The following KSR2 variants were observed in gnomAD, a reference collection of about 807,000 sequenced individuals.
KSR2 encodes the protein kinase suppressor of ras 2.
Under a neutral mutation model 107.8 loss-of-function variants are expected in KSR2, and 25 were observed. That is an observed-to-expected ratio of 0.23 (90% CI 0.17 to 0.32). KSR2 has a LOEUF of 0.32. Among genes scored for constraint, KSR2 ranks in the 10% least tolerant of loss-of-function variants. The pLI, the probability that KSR2 is intolerant of heterozygous loss-of-function variation, is 1.00. For synonymous variants in KSR2, 480 were observed against 507.0 expected (o/e 0.95, Z 0.71); for missense variants, 887 against 1,268.9 (o/e 0.70, Z 4.57).
chr12:117,560,145 A>T (rs1218701228), intron 7 of KSR2, among the ~76,000 whole-genome samples: 2 of 152,120 alleles, frequency 1.3e-5, no homozygotes, highest in Non-Finnish European at 2.9e-5. Context: ...CAGCAGCATA[A>T]GCACCACCTG....
chr12:117,853,447 A>G (rs905740147), intron 3 of KSR2, among the ~76,000 whole-genome samples: 13 of 152,058 alleles, frequency 8.5e-5, no homozygotes, highest in Non-Finnish European at 1.6e-4. Context: ...GACTCAAGCA[A>G]TCCTCCCACT....
intron 5 of KSR2, among the ~76,000 whole-genome samples, chr12:117,612,763 T>C (rs1183514149): frequency 3.9e-5 from 6 of 152,158 alleles, no homozygotes; most frequent in Non-Finnish European, 7.4e-5. Context: ...TCACCTCAAA[T>C]TGTAATCCAG....
chr12:117,849,932 T>C (rs1238286574), intron 3 of KSR2, among the ~76,000 whole-genome samples: 1 of 152,218 alleles, frequency 6.6e-6, no homozygotes, highest in Non-Finnish European at 1.5e-5. Context: ...AAACACCAGC[T>C]CTGGGTTGAG....
chr12:117,641,769 C>T (rs939632885), intron 5 of KSR2, among the ~76,000 whole-genome samples: 4 of 152,032 alleles, frequency 2.6e-5, no homozygotes, highest in African/African-American at 9.7e-5. Flanking sequence ...CAGAAGTTGC[C>T]CTTGAAGAGA....
At chr12:117,526,877 T>C (rs1027469516) in intron 13 of KSR2, among the ~76,000 whole-genome samples, 194 bp downstream of exon 13, 1 of 152,186 alleles carries the variant, frequency 6.6e-6, no homozygotes, top group Non-Finnish European at 1.5e-5. Context: ...GCATGCCATA[T>C]AATGGCCCAT....
intron 5 of KSR2, among the ~76,000 whole-genome samples, chr12:117,659,450 G>A (rs1303934923): frequency 6.6e-6 from 1 of 152,164 alleles, no homozygotes; most frequent in Admixed American, 6.5e-5. Context: ...ACGTCCGCAT[G>A]CTTCAGCAGC....
At chr12:117,679,249 T>TCCATGTGCATCA (rs1885268129) in intron 4 of KSR2, among the ~76,000 whole-genome samples, 1 of 152,220 alleles carries the variant, frequency 6.6e-6, no homozygotes, top group African/African-American at 2.4e-5. Context: ...ATCAGCACCA[T>TCCATGTGCATCA]GCACGGAGCG....
chr12:117,885,040 T>C (rs1894132007), intron 1 of KSR2, among the ~76,000 whole-genome samples: 1 of 152,076 alleles, frequency 6.6e-6, no homozygotes, highest in African/African-American at 2.4e-5. Context: ...CCGAATATCC[T>C]TGGATATGTT....
At chr12:117,716,348 G>A (rs1168629596) in intron 4 of KSR2, among the ~76,000 whole-genome samples, 1 of 152,160 alleles carries the variant, frequency 6.6e-6, no homozygotes, top group African/African-American at 2.4e-5. Context: ...CCTAGACTAT[G>A]CCACCCAATA....
chr12:117,476,243 TTGTTAAGGC>T (rs1432741019), intron 17 of KSR2, among the ~76,000 whole-genome samples: 14 of 152,378 alleles, frequency 9.2e-5, no homozygotes, highest in Non-Finnish European at 1.9e-4. Context: ...GTTGGGTAAC[TTGTTAAGGC>T]CACATAATCC....
chr12:117,791,020 A>C (rs1890231461), intron 3 of KSR2, among the ~76,000 whole-genome samples: 1 of 152,032 alleles, frequency 6.6e-6, no homozygotes, highest in South Asian at 2.1e-4. Context: ...ATCAACCTTA[A>C]TGGCTCCCTA....
Position 117,968,499 on chromosome 12 carries a change from T to C in KSR2, c.-244A>G. The C allele has an allele frequency of 2.4e-6, 3 of 1,267,440 alleles. No homozygotes were observed. The highest frequency in any genetic ancestry group is 3.0e-6 in the Non-Finnish European group (3 of 1,012,060). 78.5% of individuals were successfully genotyped at this position (1,267,440 alleles called of 1,614,324 possible). On this transcript the variant is annotated 5_prime_UTR_variant, in exon 1 of 20. Transcript: ENST00000339824. ...ACTCCATTAGAATGTCTCCTCTCTC[T>C]CTGAGTCTCTGGTCCCTGAAAAGGA...
chr12:117,740,480 CATATA>C (rs1487395492), intron 4 of KSR2, among the ~76,000 whole-genome samples: 2 of 114,534 alleles, frequency 1.7e-5, no homozygotes, highest in African/African-American at 3.1e-5. Flanking sequence ...TAATATATAA[CATATA>C]ATATATATGT....
At chr12:117,762,744 G>A (rs909401174) in intron 3 of KSR2, among the ~76,000 whole-genome samples, 7 of 151,910 alleles carry the variant, frequency 4.6e-5, no homozygotes, top group Non-Finnish European at 7.4e-5. Flanking sequence ...GCGTGTGCCT[G>A]TAATCCCAGC....
At chr12:117,772,144 C>A (rs1320505694) in intron 3 of KSR2, among the ~76,000 whole-genome samples, 5 of 148,482 alleles carry the variant, frequency 3.4e-5, no homozygotes, top group African/African-American at 5.0e-5. Context: ...CATACATACA[C>A]ACCATTCCCC....
rs1870622345 is a variant in KSR2 at position 117,456,396 on chromosome 12, A to G, written c.*10803T>C. On this transcript the variant is annotated 3_prime_UTR_variant, in exon 20 of 20. Coordinates refer to ENST00000339824, the MANE Select transcript of KSR2 (RefSeq NM_173598.6). ...CTGTAGCTACATAGCAGTTACTTGAACTTACACAAGTTCATATGTACCCAT... is the reference window on the plus strand; with the variant it reads ...CTGTAGCTACATAGCAGTTACTTGAGCTTACACAAGTTCATATGTACCCAT... 6.6e-6 allele frequency: 1 copy of G among 152,228 alleles called. No individual in the cohort carries two copies. The highest frequency in any genetic ancestry group is 2.1e-4 in the South Asian group (1 of 4,832). The allele number at this position is 152,228 out of a possible 1,614,324, so 9.4% of individuals were successfully genotyped here.
chr12:117,620,047 TC>T (rs1292356698), intron 5 of KSR2, among the ~76,000 whole-genome samples: 2 of 152,120 alleles, frequency 1.3e-5, no homozygotes, highest in Non-Finnish European at 2.9e-5. Flanking sequence ...CAGTGTGTGG[TC>T]TTTTACATCT....
At chr12:117,519,767 C>T (rs1474062748) in intron 14 of KSR2, among the ~76,000 whole-genome samples, 2 of 150,130 alleles carry the variant, frequency 1.3e-5, no homozygotes, top group South Asian at 2.1e-4. Flanking sequence ...AGAAGAGGAG[C>T]GAGTGTGTGT....
intron 3 of KSR2, among the ~76,000 whole-genome samples, chr12:117,815,096 T>C (rs914515564): frequency 5.9e-5 from 9 of 152,216 alleles, no homozygotes; most frequent in Non-Finnish European, 4.4e-5. Context: ...AGAGCACTCT[T>C]AGACCTAGCC....
Sources: allele counts gnomAD v4.1 joint callset (sites outside exome capture counted in the v4.1 genomes callset), GRCh38; gene constraint gnomAD v4.1.1; transcripts MANE v1.5; gene names NCBI Gene and HGNC (gene_info 2026-07-23, HGNC 2026-07-21).